Variants in PHKA1 observed in about 807,000 individuals in gnomAD.
The protein encoded by PHKA1 is phosphorylase kinase regulatory subunit alpha 1.
PHKA1 carries 60 observed loss-of-function variants against 110.2 expected under a neutral mutation model. The observed-to-expected ratio is 0.54, with a 90% CI of 0.44 to 0.68. The LOEUF (loss-of-function observed/expected upper bound fraction) is 0.68. Ranked by LOEUF, PHKA1 falls within the 30% of genes least tolerant of loss-of-function variation. The pLI is 0.00. For missense variants in PHKA1, 801 were observed against 942.5 expected (o/e 0.85, Z 1.97); for synonymous variants, 316 against 333.6 (o/e 0.95, Z 0.58).
chrX:72,682,934 T>TTAAAAAA (rs1556317402), intron 5 of PHKA1, among the ~76,000 whole-genome samples: 3 of 63,838 alleles, frequency 4.7e-5, no homozygotes, highest in Non-Finnish European at 8.3e-5. Flanking sequence ...AAAAATAAAT[T>TTAAAAAA]AAAAAAAAAA....
intron 3 of PHKA1, chrX:72,697,250 A>G (rs955101947): frequency 1.3e-4 from 14 of 111,852 alleles, no homozygotes; most frequent in Non-Finnish European, 2.6e-4. Flanking sequence ...AAATGACTGA[A>G]GTTAGCATTA....
At chrX:72,651,950 A>G (rs902462788) in intron 12 of PHKA1, among the ~76,000 whole-genome samples, 1 of 111,820 alleles carries the variant, frequency 8.9e-6, no homozygotes, top group African/African-American at 3.3e-5. Context: ...GCCTCTGTGC[A>G]GGCTCAAAAT....
chrX:72,644,085 G>T (rs1406155387), intron 14 of PHKA1, among the ~76,000 whole-genome samples: 2 of 111,322 alleles, frequency 1.8e-5, no homozygotes, highest in African/African-American at 6.5e-5. Context: ...CTCCAAGAAA[G>T]GAGAGAACAT....
At chrX:72,605,247 T>G in intron 25 of PHKA1, 24 bp downstream of exon 25, 1 of 1,172,179 alleles carries the variant, frequency 8.5e-7, no homozygotes, top group Non-Finnish European at 1.2e-6. Flanking sequence ...GAATTCCACC[T>G]AAAATAGTTA....
Position 72,656,138 on chromosome X carries a change from G to A in PHKA1, c.1023C>T (p.Phe341=). The A allele has an allele frequency of 1.7e-6, 2 of 1,210,475 alleles. No homozygotes were observed. Among genetic ancestry groups the A allele is most frequent in the Non-Finnish European group, 2.2e-6 (2 of 894,521 alleles). The change falls in exon 10 of 32, where the codon TTC becomes TTT. Residue 341 remains phenylalanine, a synonymous_variant. Transcript: ENST00000373542. ...TTATTACCTGTTCTGCATTGCCACTGAAGACCCCATCAAGAATAAAGTATG... is the reference window on the plus strand; with the variant it reads ...TTATTACCTGTTCTGCATTGCCACTAAAGACCCCATCAAGAATAAAGTATG... The part of the protein sequence containing the change: ...FWTYFILDGV[F]SGNAEQVQEY...
At chrX:72,638,692 A>G (rs1556293307) in intron 14 of PHKA1, among the ~76,000 whole-genome samples, 1 of 111,241 alleles carries the variant, frequency 9.0e-6, no homozygotes, top group South Asian at 3.8e-4. Context: ...TCGTCTATTT[A>G]TGGTTTTTCC....
chrX:72,687,435 C>A (rs186666956), intron 4 of PHKA1, among the ~76,000 whole-genome samples: 117 of 111,854 alleles, frequency 1.0e-3, no homozygotes, highest in African/African-American at 3.8e-3. Flanking sequence ...TGGCCTTATT[C>A]ATCTCTTAGA....
intron 3 of PHKA1, among the ~76,000 whole-genome samples, chrX:72,697,881 G>A (rs1428351111): frequency 9.2e-6 from 1 of 109,257 alleles, no homozygotes; most frequent in African/African-American, 3.3e-5. Context: ...CTACTCGGGA[G>A]GCTGAGGCAG....
At chrX:72,695,565 T>G in intron 4 of PHKA1, 143 bp downstream of exon 4, 3 of 573,685 alleles carry the variant, frequency 5.2e-6, no homozygotes, top group Non-Finnish European at 8.6e-6. Context: ...CATCTCATGA[T>G]ATCTGAGAAT....
chrX:72,642,261 T>C (rs1445455234), intron 14 of PHKA1, among the ~76,000 whole-genome samples: 4 of 111,827 alleles, frequency 3.6e-5, no homozygotes, highest in African/African-American at 1.3e-4. Flanking sequence ...ATTCCATAAA[T>C]GATGGCCCAG....
chrX:72,692,945 T>C (rs782103058), intron 4 of PHKA1, among the ~76,000 whole-genome samples: 12 of 110,117 alleles, frequency 1.1e-4, no homozygotes, highest in African/African-American at 3.6e-4. Flanking sequence ...TTCTTTCTTT[T>C]TTTTTTTTTT....
In PHKA1 at chrX:72,635,277, T is replaced by C. The variant is rs781878909; in HGVS notation, c.1592A>G (p.Tyr531Cys). The change falls in exon 16 of 32, where the codon TAC (tyrosine) becomes TGC (cysteine). Residue 531 changes from tyrosine (Y) to cysteine (C), a missense_variant. Transcript: ENST00000373542. The stretch of plus-strand genomic sequence containing the variant: ...TATCATCTTGTTGTCCAGAGCCAGG[T>C]AGAACTGTTGCTGGTCTATAAACTG... The part of the protein sequence containing the change: ...TPQFIDQQQF[Y>C]LALDNKMIVE... 2.5e-6 allele frequency: 3 copies of C among 1,209,523 alleles called. No homozygotes were observed. The highest frequency in any genetic ancestry group is 3.0e-5 in the East Asian group (1 of 33,843).
chrX:72,705,816 G>A (rs1317866035), intron 2 of PHKA1, among the ~76,000 whole-genome samples: 2 of 111,933 alleles, frequency 1.8e-5, no homozygotes, highest in African/African-American at 6.5e-5. Flanking sequence ...TTCTCTTACT[G>A]GGGCTTGATA....
At chrX:72,608,847 G>A (rs2052767358) in intron 23 of PHKA1, among the ~76,000 whole-genome samples, 1 of 111,484 alleles carries the variant, frequency 9.0e-6, no homozygotes, top group Admixed American at 9.5e-5. Flanking sequence ...GCAAGCAGGG[G>A]GGAATACCCT....
intron 23 of PHKA1, 103 bp from the exon 24 acceptor site, chrX:72,605,722 A>G (rs1244581685): frequency 5.0e-6 from 3 of 603,872 alleles, no homozygotes; most frequent in Non-Finnish European, 8.2e-6. Flanking sequence ...TCACTGCCTC[A>G]ACATTTCATC....
intron 2 of PHKA1, among the ~76,000 whole-genome samples, chrX:72,708,386 G>A (rs2054320967): frequency 9.0e-6 from 1 of 111,325 alleles, no homozygotes; most frequent in Admixed American, 9.6e-5. Flanking sequence ...AGCCTGGCTG[G>A]AACTGGGGGT....
intron 28 of PHKA1, among the ~76,000 whole-genome samples, chrX:72,597,815 T>C (rs2052610580): frequency 9.0e-6 from 1 of 111,695 alleles, no homozygotes; most frequent in African/African-American, 3.3e-5. Flanking sequence ...CTATGAGTCT[T>C]CCTAGTGAAT....
intron 11 of PHKA1, among the ~76,000 whole-genome samples, chrX:72,652,917 T>G (rs1412901374): frequency 1.8e-5 from 2 of 111,296 alleles, no homozygotes; most frequent in Non-Finnish European, 3.8e-5. Flanking sequence ...AGCTCTCAGG[T>G]GGTGCTGCTG....
At chrX:72,664,063 C>A (rs782409104) in intron 8 of PHKA1, among the ~76,000 whole-genome samples, 8 of 111,035 alleles carry the variant, frequency 7.2e-5, no homozygotes, top group Non-Finnish European at 1.5e-4. Flanking sequence ...AAACAATTAA[C>A]AAAATAACAG....
Sources: allele counts gnomAD v4.1 joint callset (sites outside exome capture counted in the v4.1 genomes callset), GRCh38; gene constraint gnomAD v4.1.1; transcripts MANE v1.5; gene names NCBI Gene and HGNC (gene_info 2026-07-23, HGNC 2026-07-21).